CDK14: variants seen among roughly 807,000 people sequenced by gnomAD.
The protein encoded by CDK14 is cyclin dependent kinase 14, also known as cyclin-dependent kinase 14.
CDK14 carries 34 observed loss-of-function variants against 60.7 expected under a neutral mutation model. The observed-to-expected ratio is 0.56, with a 90% CI of 0.43 to 0.75. The LOEUF is 0.75. Among genes scored for constraint, CDK14 ranks in the 30% least tolerant of loss-of-function variants. The pLI is 0.00. For synonymous variants in CDK14, 197 were observed against 203.7 expected (o/e 0.97, Z 0.28); for missense variants, 482 against 564.1 (o/e 0.85, Z 1.47).
chr7:91,199,822 CT>C (rs1802662304), intron 14 of CDK14, among the ~76,000 whole-genome samples: 1 of 152,156 alleles, frequency 6.6e-6, no homozygotes, highest in African/African-American at 2.4e-5. Flanking sequence ...AGGATTTGGG[CT>C]ATTTTGAATG....
intron 5 of CDK14, among the ~76,000 whole-genome samples, chr7:90,791,125 T>C (rs1805813120): frequency 6.6e-6 from 1 of 152,198 alleles, no homozygotes; most frequent in South Asian, 2.1e-4. Flanking sequence ...ATAGACATTC[T>C]TTATATATTA....
chr7:91,196,347 C>A (rs1802541142), intron 14 of CDK14, among the ~76,000 whole-genome samples: 1 of 151,836 alleles, frequency 6.6e-6, no homozygotes, highest in Admixed American at 6.6e-5. Flanking sequence ...TGAGGCAGGT[C>A]AAGCCAGTTC....
At chr7:90,691,358 A>T (rs1801549531) in intron 2 of CDK14, among the ~76,000 whole-genome samples, 6 of 152,118 alleles carry the variant, frequency 3.9e-5, no homozygotes, top group Admixed American at 3.9e-4. Context: ...TTTAAATAGG[A>T]TGGTCAGGGA....
At chr7:91,041,430 C>T (rs989882169) in intron 10 of CDK14, among the ~76,000 whole-genome samples, 4 of 152,102 alleles carry the variant, frequency 2.6e-5, no homozygotes, top group Admixed American at 1.3e-4. Context: ...TTAATAGATC[C>T]AGAATGAAAC....
chr7:90,814,422 A>G (rs1789266542), intron 5 of CDK14, among the ~76,000 whole-genome samples: 1 of 152,190 alleles, frequency 6.6e-6, no homozygotes, highest in Non-Finnish European at 1.5e-5. Context: ...TTTGACAAAT[A>G]ATTTTAATCA....
chr7:90,900,969 A>T (rs1254192368), intron 7 of CDK14, among the ~76,000 whole-genome samples: 1 of 152,156 alleles, frequency 6.6e-6, no homozygotes, highest in African/African-American at 2.4e-5. Flanking sequence ...GACATTGATG[A>T]ATTTTGTCCC....
intron 9 of CDK14, 77 bp from the exon 10 acceptor site, chr7:90,984,071 G>T: frequency 1.1e-6 from 1 of 903,774 alleles, no homozygotes; most frequent in South Asian, 1.3e-5. Context: ...TGTAGGAGTG[G>T]ATATTCTAAT....
chr7:91,059,654 C>T lies in CDK14; in HGVS notation c.1105+13694C>T, dbSNP rs551606051. ...AACATCTTTATTTCTGCCTTCATTT[C>T]GTTATGTACCCAGTAGTCATTCAGG... On this transcript the variant is annotated intron_variant, in intron 11 of 14. Coordinates refer to ENST00000380050, the MANE Select transcript of CDK14 (RefSeq NM_001287135.2). Among the ~76,000 whole-genome samples, 1,412 of 152,272 alleles carry T rather than the reference C, an allele frequency of 9.3e-3. 6 individuals carry two copies. Among genetic ancestry groups the T allele is most frequent in the Admixed American group, 0.026 (402 of 15,286 alleles).
At chr7:90,665,699 G>C (rs930126585) in intron 2 of CDK14, among the ~76,000 whole-genome samples, 7 of 152,200 alleles carry the variant, frequency 4.6e-5, no homozygotes, top group Non-Finnish European at 8.8e-5. Context: ...GAATTTTCTA[G>C]TGTATGTAAT....
chr7:90,747,664 C>G lies in CDK14; in HGVS notation c.370-17C>G. On this transcript the variant is annotated splice_polypyrimidine_tract_variant and intron_variant, in intron 3 of 14. Transcript: ENST00000380050. ...TTTGATACAATCTGTTTTGTTTACC[C>G]TGTGCTTCATTTTTAGCCAACAAGT... is the stretch of plus-strand genomic sequence containing the variant. 1 of 1,477,958 alleles carries G rather than the reference C, an allele frequency of 6.8e-7. No homozygotes were observed. The highest frequency in any genetic ancestry group is 1.2e-5 in the South Asian group (1 of 82,114). The allele number at this position is 1,477,958 out of a possible 1,614,324, so 91.6% of individuals were successfully genotyped here. A position where few individuals can be genotyped will look rare whatever the true frequency, so the allele number is the denominator to read the frequency against.
chr7:90,700,961 A>C (rs1801772002), intron 2 of CDK14, among the ~76,000 whole-genome samples: 1 of 152,202 alleles, frequency 6.6e-6, no homozygotes, highest in Admixed American at 6.5e-5. Context: ...ACACAGAAAA[A>C]ATCTTTCAGT....
At chr7:90,827,661 G>T (rs1000442082) in intron 5 of CDK14, among the ~76,000 whole-genome samples, 1 of 152,152 alleles carries the variant, frequency 6.6e-6, no homozygotes, top group Non-Finnish European at 1.5e-5. Flanking sequence ...CTGGAAGGAC[G>T]TTTTCTTCTT....
At chr7:91,175,996 C>G (rs1046193305) in intron 14 of CDK14, among the ~76,000 whole-genome samples, 1 of 152,196 alleles carries the variant, frequency 6.6e-6, no homozygotes, top group African/African-American at 2.4e-5. Flanking sequence ...CCCAAATCAA[C>G]AGAATACACA....
At chr7:90,672,502 GTTTTTTTTTTTTTTTTTTT>G (rs201978996) in intron 2 of CDK14, among the ~76,000 whole-genome samples, 583 of 50,050 alleles carry the variant, frequency 0.012, 17 homozygotes, top group South Asian at 0.017. Context: ...TTCTTCTTCT[GTTTTTTTTTTTTTTTTTTT>G]TTTTTTTTTT....
chr7:90,657,920 T>C (rs1398142504), intron 2 of CDK14, among the ~76,000 whole-genome samples: 7 of 152,238 alleles, frequency 4.6e-5, no homozygotes, highest in Non-Finnish European at 1.0e-4. Context: ...GTCATAGAGC[T>C]AGTCCACATC....
At chr7:90,808,977 C>T (rs1788978054) in intron 5 of CDK14, among the ~76,000 whole-genome samples, 1 of 152,208 alleles carries the variant, frequency 6.6e-6, no homozygotes, top group East Asian at 1.9e-4. Flanking sequence ...AAAGCAAGTC[C>T]TTAGAGACCT....
chr7:91,034,294 C>T (rs1289404574), intron 10 of CDK14, among the ~76,000 whole-genome samples: 2 of 152,150 alleles, frequency 1.3e-5, no homozygotes, highest in Non-Finnish European at 2.9e-5. Flanking sequence ...TTCTGCATAT[C>T]TTGCTGCACC....
intron 2 of CDK14, chr7:90,726,161 C>T (rs1030534624): frequency 5.6e-6 from 1 of 178,608 alleles, no homozygotes; most frequent in African/African-American, 2.4e-5. Context: ...TACACGATGA[C>T]CCATCAGTTA....
intron 11 of CDK14, among the ~76,000 whole-genome samples, chr7:91,054,364 T>TA (rs1305733113): frequency 1.3e-5 from 2 of 152,118 alleles, no homozygotes; most frequent in South Asian, 4.1e-4. Flanking sequence ...AGCCTTAGGG[T>TA]ATTTAGAGCT....
Sources: gnomAD v4.1 joint callset for allele counts (sites outside exome capture counted in the v4.1 genomes callset) on GRCh38, gnomAD v4.1.1 for gene constraint, MANE v1.5 for transcripts, NCBI Gene and HGNC (gene_info 2026-07-23, HGNC 2026-07-21) for gene names.